RABL2B: variants seen among roughly 807,000 people sequenced by gnomAD.
RABL2B encodes rab-like protein 2B.
Under a neutral mutation model 26.7 loss-of-function variants are expected in RABL2B, and 17 were observed. That is an observed-to-expected ratio of 0.64 (90% CI 0.44 to 0.95). The LOEUF (loss-of-function observed/expected upper bound fraction) is 0.95, where lower values mean the gene tolerates loss of function less well. RABL2B is among the 40% of genes least tolerant of loss of function. RABL2B has a pLI of 0.00. For missense variants in RABL2B, 170 were observed against 277.2 expected (o/e 0.61, Z 2.75); for synonymous variants, 70 against 103.9 (o/e 0.67, Z 1.99).
Position 50,768,651 on chromosome 22 carries a change from T to G in RABL2B, c.*125A>C. 2.0e-6 allele frequency: 3 copies of G among 1,488,024 alleles called. No homozygotes were observed. Among genetic ancestry groups the G allele is most frequent in the South Asian group, 2.7e-5 (2 of 73,216 alleles). 92.2% of individuals were successfully genotyped at this position (1,488,024 alleles called of 1,614,324 possible). On this transcript the variant is annotated 3_prime_UTR_variant, in exon 9 of 9. Transcript: ENST00000691320. ...ACGGGCCTAGAATGTGGGAGGCTAATAGGATGGGTGGGTTGCAGGAGGTAG... is the reference window on the plus strand; with the variant it reads ...ACGGGCCTAGAATGTGGGAGGCTAAGAGGATGGGTGGGTTGCAGGAGGTAG...
chr22:50,774,123 C>CT (rs1555921390), intron 5 of RABL2B, among the ~76,000 whole-genome samples: 1 of 152,196 alleles, frequency 6.6e-6, no homozygotes, highest in African/African-American at 2.4e-5. Flanking sequence ...TCTCGATCTC[C>CT]TAACCTCGTG....
intron 3 of RABL2B, 59 bp downstream of exon 3, chr22:50,777,893 G>A: frequency 6.2e-6 from 10 of 1,613,258 alleles, no homozygotes; most frequent in Non-Finnish European, 8.5e-6. Context: ...GTGGGACACT[G>A]ATACATGAGC....
Position 50,779,128 on chromosome 22 carries a change from C to T in RABL2B, c.108-1147G>A, listed in dbSNP as rs187294336. 4.9e-3 allele frequency among the ~76,000 whole-genome samples: 740 copies of T among 150,760 alleles called. 5 individuals are homozygous for T. The highest frequency in any genetic ancestry group is 0.01 in the Middle Eastern group (3 of 294). ...GAGAGATCCATAAACTTGCCTCATC[C>T]AAGCAGAAGCAGTGGAAGAATAAAA... On this transcript the variant is annotated intron_variant, in intron 2 of 8. Transcript: ENST00000691320.
intron 6 of RABL2B, 133 bp from the exon 7 acceptor site, chr22:50,769,685 A>G (rs2083854042): frequency 4.8e-6 from 7 of 1,467,714 alleles, no homozygotes; most frequent in African/African-American, 2.8e-5. Context: ...TCCTAGAAAG[A>G]GCTCAGTTAA....
chr22:50,777,147 A>G (rs1413635123), intron 3 of RABL2B, among the ~76,000 whole-genome samples: 1 of 152,238 alleles, frequency 6.6e-6, no homozygotes, highest in Admixed American at 6.5e-5. Context: ...TCCAGGGACA[A>G]AAGCTCCCAC....
chr22:50,775,339 G>T (rs563710075), intron 5 of RABL2B, among the ~76,000 whole-genome samples: 4 of 152,162 alleles, frequency 2.6e-5, no homozygotes, highest in South Asian at 2.1e-4. Flanking sequence ...GGGGGGAGGC[G>T]AGGGGCTGGC....
chr22:50,782,490 A>G, intron 1 of RABL2B, 143 bp from the exon 2 acceptor site: 5 of 1,373,728 alleles, frequency 3.6e-6, no homozygotes, highest in Non-Finnish European at 5.0e-6. Context: ...GGAGTAGCAG[A>G]GTATGACACA....
intron 5 of RABL2B, chr22:50,772,601 C>G (rs1168566911): frequency 2.0e-5 from 20 of 1,007,530 alleles, no homozygotes; most frequent in Non-Finnish European, 2.4e-5. Flanking sequence ...AAGCTCAGGG[C>G]TAGGGGCTCG....
At chr22:50,775,215 C>G (rs144450696) in intron 5 of RABL2B, among the ~76,000 whole-genome samples, 98 of 152,304 alleles carry the variant, frequency 6.4e-4, no homozygotes, top group Non-Finnish European at 1.2e-3. Context: ...CTCCTTTTTC[C>G]TTTCTCAGCC....
chr22:50,773,918 G>A lies in RABL2B; in HGVS notation c.297+1854C>T, dbSNP rs147159805. 9.1e-3 allele frequency among the ~76,000 whole-genome samples: 1,382 copies of A among 151,814 alleles called. 74 individuals are homozygous for A. Among genetic ancestry groups the A allele is most frequent in the Admixed American group, 0.078 (1,198 of 15,268 alleles). On this transcript the variant is annotated intron_variant, in intron 5 of 8. Transcript: ENST00000691320. Reference sequence around the variant, plus strand: ...GCAGACTTTATTTTTTTTTTGAGACGGAGTCTCGCTCTGTCGCCGAGGCTG... The same window carrying A: ...GCAGACTTTATTTTTTTTTTGAGACAGAGTCTCGCTCTGTCGCCGAGGCTG...
chr22:50,777,602 G>A (rs2085186769), intron 3 of RABL2B: 1 of 357,272 alleles, frequency 2.8e-6, no homozygotes, highest in Admixed American at 4.1e-5. Context: ...GGGGGCCCAA[G>A]CTTTGAGGTT....
At chr22:50,776,005 C>T (rs529822335) in intron 4 of RABL2B, among the ~76,000 whole-genome samples, 154 bp from the exon 5 acceptor site, 1 of 152,276 alleles carries the variant, frequency 6.6e-6, no homozygotes, top group African/African-American at 2.4e-5. Flanking sequence ...ACACGTGTGT[C>T]TTCAAGACAC....
intron 5 of RABL2B, chr22:50,773,237 C>A (rs1555920303): frequency 7.8e-7 from 1 of 1,282,014 alleles, no homozygotes; most frequent in African/African-American, 1.5e-5. Context: ...CCCCATTTTC[C>A]TTGCCCCATC....
chr22:50,779,348 A>G (rs1407306852), intron 2 of RABL2B, among the ~76,000 whole-genome samples: 1 of 147,944 alleles, frequency 6.8e-6, no homozygotes, highest in African/African-American at 2.5e-5. Context: ...TGTCACTGTC[A>G]CATACGCAGA....
At chr22:50,777,338 G>C (rs1189592500) in intron 3 of RABL2B, among the ~76,000 whole-genome samples, 2 of 151,212 alleles carry the variant, frequency 1.3e-5, no homozygotes, top group Non-Finnish European at 2.9e-5. Flanking sequence ...GTACAAGGTG[G>C]AGTAACACAT....
At chr22:50,777,098 T>C (rs1410440845) in intron 3 of RABL2B, among the ~76,000 whole-genome samples, 1 of 152,118 alleles carries the variant, frequency 6.6e-6, no homozygotes, top group African/African-American at 2.4e-5. Context: ...TTTCGCAGGC[T>C]AGAAAGGAAA....
At chr22:50,781,272 A>G (rs1434864313) in intron 2 of RABL2B, among the ~76,000 whole-genome samples, 3 of 146,636 alleles carry the variant, frequency 2.0e-5, no homozygotes, top group East Asian at 4.2e-4. Flanking sequence ...TGAACCCGGG[A>G]GGCGGAGCTT....
At chr22:50,781,470 C>T (rs140098778) in intron 2 of RABL2B, among the ~76,000 whole-genome samples, 3,148 of 151,244 alleles carry the variant, frequency 0.021, 95 homozygotes, top group African/African-American at 0.072. Flanking sequence ...AGCAAAGCCC[C>T]CAGAGAATTA....
chr22:50,779,428 C>T (rs1555926826), intron 2 of RABL2B, among the ~76,000 whole-genome samples: 1 of 151,354 alleles, frequency 6.6e-6, no homozygotes, highest in Non-Finnish European at 1.5e-5. Flanking sequence ...AGCACAACTC[C>T]CTCAGGATAA....
Sources: allele counts gnomAD v4.1 joint callset (sites outside exome capture counted in the v4.1 genomes callset), GRCh38; gene constraint gnomAD v4.1.1; transcripts MANE v1.5; gene names NCBI Gene and HGNC (gene_info 2026-07-23, HGNC 2026-07-21).